The following ZBTB38 variants were observed in gnomAD, a reference collection of about 807,000 sequenced individuals.
ZBTB38 encodes zinc finger and BTB domain-containing protein 38.
In ZBTB38, 20 loss-of-function variants were observed where a neutral mutation model predicts 76.8. That is an observed-to-expected ratio of 0.26 (90% CI 0.18 to 0.38). The LOEUF is 0.38. Ranked by LOEUF, ZBTB38 falls within the 10% of genes least tolerant of loss-of-function variation. ZBTB38 has a pLI of 1.00. For synonymous variants in ZBTB38, 504 were observed against 544.2 expected, an observed-to-expected ratio of 0.93 and a Z score of 1.03; for missense variants, 1,082 against 1,482.3, an observed-to-expected ratio of 0.73 and a Z score of 4.43.
intron 5 of ZBTB38, among the ~76,000 whole-genome samples, chr3:141,431,341 A>AAAATATATATATATATATATATATAT: frequency 4.8e-5 from 5 of 103,280 alleles, no homozygotes; most frequent in African/African-American, 2.4e-4. Context: ...AAAAAAAAAA[A>AAAATATATATATATATATATATATAT]ATATATATAT....
intron 1 of ZBTB38, among the ~76,000 whole-genome samples, chr3:141,358,433 T>C (rs754726588): frequency 6.6e-6 from 1 of 152,182 alleles, no homozygotes; most frequent in Non-Finnish European, 1.5e-5. Flanking sequence ...AATTAGATGA[T>C]AGTTTGAGGC....
At chr3:141,351,734 A>C (rs910267298) in intron 1 of ZBTB38, among the ~76,000 whole-genome samples, 2 of 147,692 alleles carry the variant, frequency 1.4e-5, no homozygotes, top group African/African-American at 4.9e-5. Context: ...AAAAAAAAAA[A>C]AAAAAAAAAG....
At chr3:141,381,680 G>C (rs956378066) in intron 3 of ZBTB38, among the ~76,000 whole-genome samples, 193 bp downstream of exon 3, 2 of 152,222 alleles carry the variant, frequency 1.3e-5, no homozygotes, top group Admixed American at 6.5e-5. Context: ...GGTGGAGCTG[G>C]TGGATTAGAA....
rs780091057 is a variant in ZBTB38 at position 141,443,693 on chromosome 3, T to C, written c.1305T>C (p.Gly435=). The C allele has an allele frequency of 3.9e-5, 63 of 1,613,978 alleles. No individual in the cohort carries two copies. In the East Asian group the frequency reaches 1.3e-3, roughly 33 times the overall value. The change falls in exon 6 of 6, where the codon GGT becomes GGC. Residue 435 remains glycine (G), a synonymous_variant. Transcript: ENST00000321464. The surrounding 1 kb of genome is among the most constrained non-coding windows in gnomAD (Gnocchi z 5.6). ...PEPLLSENRI[G]EFSSTGSTLP... Reference sequence around the variant, plus strand: ...CTTTATTATCTGAAAATAGGATTGGTGAATTTTCCAGTACCGGAAGTACTT... The same window carrying C: ...CTTTATTATCTGAAAATAGGATTGGCGAATTTTCCAGTACCGGAAGTACTT...
chr3:141,420,311 G>A (rs954838938), intron 5 of ZBTB38, among the ~76,000 whole-genome samples: 1 of 152,252 alleles, frequency 6.6e-6, no homozygotes, highest in Non-Finnish European at 1.5e-5. Flanking sequence ...CTGAGAGAAT[G>A]TAATTGGTTG....
At chr3:141,392,171 T>A (rs940231846) in intron 4 of ZBTB38, among the ~76,000 whole-genome samples, 1 of 152,210 alleles carries the variant, frequency 6.6e-6, no homozygotes, top group Non-Finnish European at 1.5e-5. Context: ...CATGTTATAC[T>A]TCGTTGGGTT....
chr3:141,435,813 T>C (rs1462762200), intron 5 of ZBTB38, among the ~76,000 whole-genome samples: 1 of 151,910 alleles, frequency 6.6e-6, no homozygotes, highest in East Asian at 1.9e-4. Context: ...CCAGCTAAAA[T>C]GCAAACTCAG....
At chr3:141,337,086 G>A (rs1053670389) in intron 1 of ZBTB38, among the ~76,000 whole-genome samples, 1 of 152,152 alleles carries the variant, frequency 6.6e-6, no homozygotes, top group African/African-American at 2.4e-5. Context: ...GTCACTCCCC[G>A]CTTCTCTGAG....
intron 5 of ZBTB38, among the ~76,000 whole-genome samples, chr3:141,408,932 C>A (rs1262134171): frequency 6.6e-6 from 1 of 152,184 alleles, no homozygotes; most frequent in Non-Finnish European, 1.5e-5. Context: ...TAGGTCTGTA[C>A]CTTATATGCA....
At chr3:141,368,914 G>A (rs796407493) in intron 1 of ZBTB38, 110 bp downstream of exon 1, 12 of 148,798 alleles carry the variant, frequency 8.1e-5, no homozygotes, top group African/African-American at 3.0e-4. Context: ...AGAGTTGGGA[G>A]TAGGGACTGC....
chr3:141,422,150 G>A (rs1289136276), intron 5 of ZBTB38, among the ~76,000 whole-genome samples: 2 of 152,256 alleles, frequency 1.3e-5, no homozygotes, highest in African/African-American at 2.4e-5. Flanking sequence ...CCTGAAAGCA[G>A]AATGGGCAGG....
At position 141,446,030 on chromosome 3, in the gene ZBTB38, T is replaced by G. The variant is rs530246795; in HGVS notation, c.*54T>G. The G allele has an allele frequency of 1.4e-6, 2 of 1,451,552 alleles. No individual in the cohort carries two copies. The highest frequency in any genetic ancestry group is 4.6e-5 in the Admixed American group (2 of 43,860). The allele number at this position is 1,451,552 out of a possible 1,614,324, so 89.9% of individuals were successfully genotyped here. On this transcript the variant is annotated 3_prime_UTR_variant, in exon 6 of 6. Transcript: ENST00000321464. The stretch of plus-strand genomic sequence containing the variant: ...ATATAGTTGGTGGTTTTTTTAGTTA[T>G]GATTTAAGTTTAGTTTCATTTTGTC...
intron 5 of ZBTB38, among the ~76,000 whole-genome samples, chr3:141,433,019 G>A (rs933698428): frequency 8.5e-5 from 13 of 152,144 alleles, no homozygotes; most frequent in African/African-American, 3.1e-4. Context: ...CTGTTGGTCC[G>A]CCTGGTTTTT....
chr3:141,375,619 A>T (rs1351671288), intron 2 of ZBTB38, among the ~76,000 whole-genome samples: 9 of 152,252 alleles, frequency 5.9e-5, no homozygotes, highest in Admixed American at 4.6e-4. Flanking sequence ...TGTGATCAGC[A>T]TCACAAGAGC....
intron 4 of ZBTB38, among the ~76,000 whole-genome samples, chr3:141,403,635 C>A (rs1953174961): frequency 6.6e-6 from 1 of 152,184 alleles, no homozygotes; most frequent in Non-Finnish European, 1.5e-5. Context: ...ATAGCCCAGG[C>A]CTTGGAATCA....
At chr3:141,391,612 T>C (rs546901151) in intron 4 of ZBTB38, among the ~76,000 whole-genome samples, 1 of 152,310 alleles carries the variant, frequency 6.6e-6, no homozygotes, top group African/African-American at 2.4e-5. Flanking sequence ...CTGGCACAGA[T>C]TCAGTGTCAA....
intron 1 of ZBTB38, among the ~76,000 whole-genome samples, chr3:141,329,540 G>C (rs879607821): frequency 6.6e-6 from 1 of 152,086 alleles, no homozygotes; most frequent in East Asian, 1.9e-4. Flanking sequence ...AACAATCAAC[G>C]TATATAAGCA....
chr3:141,343,742 C>A (rs937919191), intron 1 of ZBTB38, among the ~76,000 whole-genome samples: 5 of 152,340 alleles, frequency 3.3e-5, no homozygotes, highest in Middle Eastern at 3.4e-3. Context: ...AAGTACAACT[C>A]TCCTTCTGGA....
intron 5 of ZBTB38, among the ~76,000 whole-genome samples, chr3:141,434,864 G>A (rs1036543065): frequency 6.6e-6 from 1 of 152,086 alleles, no homozygotes; most frequent in African/African-American, 2.4e-5. Flanking sequence ...TGGCTGTGGT[G>A]GCTCAGGCCT....
Sources: allele counts gnomAD v4.1 joint callset (sites outside exome capture counted in the v4.1 genomes callset), GRCh38; gene constraint gnomAD v4.1.1; non-coding constraint Gnocchi (gnomAD v3.1); transcripts MANE v1.5; gene names NCBI Gene and HGNC (gene_info 2026-07-23, HGNC 2026-07-21).